Variants in MOB3A observed in about 807,000 individuals in gnomAD.
The protein encoded by MOB3A is MOB LAK.
Under a neutral mutation model 17.8 loss-of-function variants are expected in MOB3A, and 17 were observed. That is an observed-to-expected ratio of 0.95 (90% CI 0.65 to 1.43). MOB3A has a LOEUF of 1.43. Among genes scored for constraint, MOB3A ranks in the 40% most tolerant of loss-of-function variants. The pLI is 0.00. For missense variants in MOB3A, 333 were observed against 310.8 expected (o/e 1.07, Z -0.54); for synonymous variants, 124 against 133.2 (o/e 0.93, Z 0.48).
intron 3 of MOB3A, 72 bp from the exon 4 acceptor site, chr19:2,077,085 G>A (rs2017421028): frequency 1.5e-6 from 2 of 1,338,486 alleles, no homozygotes; most frequent in Non-Finnish European, 2.1e-6. Flanking sequence ...GCTCCTGGAT[G>A]TGACAAGGGG....
intron 1 of MOB3A, among the ~76,000 whole-genome samples, chr19:2,092,132 G>A (rs185624778): frequency 8.6e-4 from 109 of 127,296 alleles, no homozygotes; most frequent in Admixed American, 2.4e-3. Flanking sequence ...ATGAGGTTTC[G>A]CTCTATCCCC....
chr19:2,092,653 G>A (rs769864688), intron 1 of MOB3A, among the ~76,000 whole-genome samples: 3 of 150,620 alleles, frequency 2.0e-5, no homozygotes, highest in African/African-American at 4.9e-5. Context: ...AGCTACTCAG[G>A]AGGCTGAGGC....
At chr19:2,077,164 G>A (rs763830048) in intron 3 of MOB3A, 151 bp from the exon 4 acceptor site, 77 of 656,228 alleles carry the variant, frequency 1.2e-4, no homozygotes, top group Non-Finnish European at 1.9e-4. Flanking sequence ...ACTTTGGGAG[G>A]CCGAGGCAGG....
intron 2 of MOB3A, chr19:2,084,128 AG>A (rs750372260): frequency 1.4e-5 from 7 of 502,490 alleles, no homozygotes; most frequent in Non-Finnish European, 2.4e-5. Flanking sequence ...ACACCAAGAC[AG>A]TTCCAGAAAA....
At position 2,078,462 on chromosome 19, in the gene MOB3A, C is replaced by T; in HGVS notation, c.99G>A (p.Lys33=). The T allele has an allele frequency of 6.2e-7, 1 of 1,612,824 alleles. No individual in the cohort carries two copies. Among genetic ancestry groups the T allele is most frequent in the Non-Finnish European group, 8.5e-7 (1 of 1,179,062 alleles). Residue 33 remains lysine (K), a synonymous_variant, in exon 3 of 5, where the codon AAG becomes AAA. Coordinates refer to ENST00000357066, the MANE Select transcript of MOB3A (RefSeq NM_130807.3). ...CGGCGTTCAGCGACGCCTGCGCCTT[C>T]TTGTGCAGCTCGAAGCGCTGGGTGC... The part of the protein sequence containing the change: ...EPGTQRFELH[K]KAQASLNAGL...
rs1599401091 is a variant in MOB3A, at chr19:2,075,021, T to C, written c.625-1597A>G. Among the ~76,000 whole-genome samples the C allele has an allele frequency of 5.4e-5, 8 of 149,056 alleles. 2 individuals carry two copies. The highest frequency in any genetic ancestry group is 5.3e-4 in the Admixed American group (8 of 15,048). On this transcript the variant is annotated intron_variant, in intron 4 of 4. Coordinates refer to ENST00000357066, the MANE Select transcript of MOB3A (RefSeq NM_130807.3). ...CGTGAGCCACCACGCCGGGCCTTAA[T>C]CTTTTCTTTTCTTTTTTTTTTTTTT...
At chr19:2,079,430 C>T (rs1221437995) in intron 2 of MOB3A, among the ~76,000 whole-genome samples, 1 of 152,242 alleles carries the variant, frequency 6.6e-6, no homozygotes, top group Non-Finnish European at 1.5e-5. Flanking sequence ...CCTTGGGTGG[C>T]CCCACAGTCA....
At position 2,078,477 on chromosome 19, in the gene MOB3A, G is replaced by A; in HGVS notation, c.84C>T (p.Arg28=). 1 of 1,610,768 alleles carries A rather than the reference G, an allele frequency of 6.2e-7. No homozygotes were observed. Among genetic ancestry groups the A allele is most frequent in the Non-Finnish European group, 8.5e-7 (1 of 1,177,438 alleles). ...PKRKFEPGTQ[R]FELHKKAQAS... ...CCTGCGCCTTCTTGTGCAGCTCGAA[G>A]CGCTGGGTGCCTGGCTCAAACTTGC... Residue 28 remains arginine, a synonymous_variant, in exon 3 of 5, where the codon CGC becomes CGT. Coordinates refer to ENST00000357066, the MANE Select transcript of MOB3A (RefSeq NM_130807.3).
At chr19:2,083,526 A>G (rs1027718183) in intron 2 of MOB3A, among the ~76,000 whole-genome samples, 8 of 152,064 alleles carry the variant, frequency 5.3e-5, no homozygotes, top group Admixed American at 4.6e-4. Flanking sequence ...GGAATCAATC[A>G]CCTCAGTCCC....
intron 4 of MOB3A, among the ~76,000 whole-genome samples, chr19:2,074,465 T>C (rs1176416374): frequency 6.6e-6 from 1 of 152,038 alleles, no homozygotes. Flanking sequence ...AGTATGCAAC[T>C]ATTAATTTTA....
At chr19:2,091,572 C>T (rs1323451260) in intron 1 of MOB3A, among the ~76,000 whole-genome samples, 3 of 151,490 alleles carry the variant, frequency 2.0e-5, no homozygotes, top group Non-Finnish European at 2.9e-5. Flanking sequence ...TTGGTAGAGA[C>T]GGGGTTCCAC....
chr19:2,074,576 G>A (rs1020651318), intron 4 of MOB3A, among the ~76,000 whole-genome samples: 9 of 150,724 alleles, frequency 6.0e-5, no homozygotes, highest in African/African-American at 1.2e-4. Context: ...TTTTTGAGAC[G>A]GAGTTTCACT....
At position 2,082,385 on chromosome 19, in the gene MOB3A, G is replaced by A. The variant is rs147532181; in HGVS notation, c.-120+2790C>T. On this transcript the variant is annotated intron_variant, in intron 2 of 4. Coordinates refer to ENST00000357066, the MANE Select transcript of MOB3A (RefSeq NM_130807.3). This position sits in a 1 kb window ranked among gnomAD's most constrained non-coding sequence, Gnocchi z 4.1. ...CCCAAGTTATGACAACCACAGATGT[G>A]CCCAGACATCACCCAGTGTCCCTTT... Among the ~76,000 whole-genome samples the A allele has an allele frequency of 4.2e-3, 646 of 152,294 alleles. 2 individuals carry two copies. The highest frequency in any genetic ancestry group is 0.01 in the African/African-American group (419 of 41,558).
In MOB3A at chr19:2,076,933, TG is replaced by T. The variant is rs2017417677; in HGVS notation, c.501del (p.Tyr167Ter). 2 of 1,613,884 alleles carry T rather than the reference TG, an allele frequency of 1.2e-6. No homozygotes were observed. Among genetic ancestry groups the T allele is most frequent in the Non-Finnish European group, 8.5e-7 (1 of 1,180,030 alleles). ...SRLFRVFVHV[Y>X]IHHFDRIAQM... Reference sequence around the variant, plus strand: ...TGCGCGATGCGGTCAAAGTGGTGGATGTAGACGTGCACGAACACGCGGAACA... The same window carrying T: ...TGCGCGATGCGGTCAAAGTGGTGGATTAGACGTGCACGAACACGCGGAACA... On this transcript the variant is annotated frameshift_variant, in exon 4 of 5. Coordinates refer to ENST00000357066, the MANE Select transcript of MOB3A (RefSeq NM_130807.3). LOFTEE classifies it high-confidence loss of function.
At chr19:2,083,918 C>T (rs1309949202) in intron 2 of MOB3A, among the ~76,000 whole-genome samples, 1 of 152,092 alleles carries the variant, frequency 6.6e-6, no homozygotes, top group Non-Finnish European at 1.5e-5. Context: ...AGCGGCTGTT[C>T]CCACAGGCCC....
chr19:2,094,648 A>C (rs1236799941), intron 1 of MOB3A, among the ~76,000 whole-genome samples: 1 of 152,214 alleles, frequency 6.6e-6, no homozygotes, highest in Non-Finnish European at 1.5e-5. Context: ...CGTGATGCAC[A>C]AGAAGGAAGG....
rs1475501793 is a variant in MOB3A, at chr19:2,072,182, T to G, written c.*1213A>C. The G allele has an allele frequency of 2.0e-5, 3 of 152,148 alleles. No homozygotes were observed. In the East Asian group the frequency reaches 5.8e-4, roughly 29 times the overall value. 9.4% of individuals were successfully genotyped at this position (152,148 alleles called of 1,614,324 possible). ...TAGGCCGGGTGCAGTAGCTCATGCCTGTAATCCCAGCACTTTTGGAGGCCA... is the reference window on the plus strand; with the variant it reads ...TAGGCCGGGTGCAGTAGCTCATGCCGGTAATCCCAGCACTTTTGGAGGCCA... On this transcript the variant is annotated 3_prime_UTR_variant, in exon 5 of 5. Coordinates refer to ENST00000357066, the MANE Select transcript of MOB3A (RefSeq NM_130807.3).
At chr19:2,086,908 C>T (rs1299069322) in intron 1 of MOB3A, among the ~76,000 whole-genome samples, 1 of 152,214 alleles carries the variant, frequency 6.6e-6, no homozygotes, top group Admixed American at 6.5e-5. Context: ...CCTCCCACCT[C>T]AGCCTCTTGA....
At chr19:2,086,325 CCA>C (rs2017553311) in intron 1 of MOB3A, among the ~76,000 whole-genome samples, 1 of 150,436 alleles carries the variant, frequency 6.6e-6, no homozygotes, top group Non-Finnish European at 1.5e-5. Flanking sequence ...CAGGCGTGAA[CCA>C]TAACGCCCAG....
Sources: allele counts gnomAD v4.1 joint callset (sites outside exome capture counted in the v4.1 genomes callset), GRCh38; gene constraint gnomAD v4.1.1; non-coding constraint Gnocchi (gnomAD v3.1); transcripts MANE v1.5; gene names NCBI Gene and HGNC (gene_info 2026-07-23, HGNC 2026-07-21).